Variants in THSD4 observed in about 807,000 individuals in gnomAD.
THSD4 encodes the protein thrombospondin type 1 domain containing 4, also known as thrombospondin type-1 domain-containing protein 4.
A neutral mutation model predicts 119.0 loss-of-function variants in THSD4; 69 were observed. The observed-to-expected ratio is 0.58, with a 90% CI of 0.48 to 0.71. The LOEUF is 0.71. Ranked by LOEUF, THSD4 falls within the 30% of genes least tolerant of loss-of-function variation. The probability of loss-of-function intolerance (pLI) is 0.00; values close to 1 mark genes in which losing one functional copy is unlikely to be tolerated. For synonymous variants in THSD4, 524 were observed against 540.4 expected, an observed-to-expected ratio of 0.97 and a Z score of 0.42; for missense variants, 1,393 against 1,391.1, an observed-to-expected ratio of 1.00 and a Z score of -0.02.
At chr15:71,488,063 C>G (rs2047850359) in intron 7 of THSD4, among the ~76,000 whole-genome samples, 1 of 152,142 alleles carries the variant, frequency 6.6e-6, no homozygotes. Flanking sequence ...GAGTGAAATC[C>G]TTGTCCTGCT....
intron 7 of THSD4, among the ~76,000 whole-genome samples, chr15:71,479,416 T>C (rs2047696334): frequency 6.6e-6 from 1 of 152,126 alleles, no homozygotes; most frequent in South Asian, 2.1e-4. Context: ...TTTACTAGAG[T>C]CTGCAGTTTC....
chr15:71,737,282 T>A (rs184091454), intron 10 of THSD4, among the ~76,000 whole-genome samples: 5 of 152,360 alleles, frequency 3.3e-5, no homozygotes, highest in Middle Eastern at 3.4e-3. Context: ...TCCAAAACCA[T>A]GGATCTATTT....
chr15:71,580,534 G>A (rs150836337), intron 7 of THSD4, among the ~76,000 whole-genome samples: 5 of 152,210 alleles, frequency 3.3e-5, no homozygotes, highest in Non-Finnish European at 7.4e-5. Flanking sequence ...ATACAATACA[G>A]TATCATTAAC....
At chr15:71,624,111 G>A (rs2050467343) in intron 7 of THSD4, among the ~76,000 whole-genome samples, 1 of 152,140 alleles carries the variant, frequency 6.6e-6, no homozygotes, top group Non-Finnish European at 1.5e-5. Flanking sequence ...GAATGATCAG[G>A]TCCAACAGAT....
chr15:71,758,185 G>C, intron 15 of THSD4, 110 bp downstream of exon 15: 1 of 1,301,472 alleles, frequency 7.7e-7, no homozygotes, highest in Non-Finnish European at 1.0e-6. Flanking sequence ...AATCCCAGCA[G>C]TGCCACTGTC....
intron 8 of THSD4, among the ~76,000 whole-genome samples, chr15:71,674,027 C>T (rs901514649): frequency 6.6e-6 from 1 of 152,194 alleles, no homozygotes; most frequent in African/African-American, 2.4e-5. Context: ...GTTGCCTCTT[C>T]CCAGAAGAAC....
In THSD4 at chr15:71,341,091, T is replaced by A. The variant is rs2045561863; in HGVS notation, c.1016-70596T>A. The A allele has an allele frequency of 2.7e-6, 3 of 1,129,354 alleles. No homozygotes were observed. In the East Asian group the frequency reaches 7.0e-5, roughly 26 times the overall value. The allele number at this position is 1,129,354 out of a possible 1,614,324, so 70.0% of individuals were successfully genotyped here. ...TTGCCTTGCCTTTTCTTTTCTATTG[T>A]CTCTTCTGTCTTCCCTCTCTCTCCC... On this transcript the variant is annotated intron_variant, in intron 6 of 17. Transcript: ENST00000261862.
Position 71,757,920 on chromosome 15 carries a change from G to A in THSD4, c.2434G>A (p.Ala812Thr), listed in dbSNP as rs769086132. 1.9e-6 allele frequency: 3 copies of A among 1,613,520 alleles called. No individual in the cohort carries two copies. Among genetic ancestry groups the A allele is most frequent in the Non-Finnish European group, 2.5e-6 (3 of 1,180,016 alleles). Residue 812 changes from alanine to threonine, a missense_variant, in exon 15 of 18, where the codon GCC becomes ACC. Ala to Thr is a moderately conservative substitution (Grantham distance 58). Coordinates refer to ENST00000261862, the MANE Select transcript of THSD4 (RefSeq NM_024817.3). ...WSERCSAECGAGVRTRSVVCM... is the reference protein window; with the variant it reads ...WSERCSAECGTGVRTRSVVCM... ...CTCACAGTGCTCAGCGGAGTGTGGGGCCGGAGTGCGGACACGCTCGGTGGT... is the reference window on the plus strand; with the variant it reads ...CTCACAGTGCTCAGCGGAGTGTGGGACCGGAGTGCGGACACGCTCGGTGGT...
At chr15:71,234,873 C>T (rs891959769) in intron 4 of THSD4, among the ~76,000 whole-genome samples, 14 of 152,172 alleles carry the variant, frequency 9.2e-5, no homozygotes, top group African/African-American at 1.2e-4. Context: ...TTCCTCAGTT[C>T]GCCGTCCTGC....
intron 4 of THSD4, among the ~76,000 whole-genome samples, chr15:71,231,245 A>G (rs909197877): frequency 3.3e-5 from 5 of 152,198 alleles, no homozygotes; most frequent in African/African-American, 1.2e-4. Context: ...AGTCTAAATC[A>G]TCTCCTGGGG....
chr15:71,338,402 G>A lies in THSD4; in HGVS notation c.1016-73285G>A, dbSNP rs115119528. On this transcript the variant is annotated intron_variant, in intron 6 of 17. Coordinates refer to ENST00000261862, the MANE Select transcript of THSD4 (RefSeq NM_024817.3). ...GAGTCTGAACACTTATAGATATCAG[G>A]GAGGTTCACATTGCTCCAGTTCATA... is the stretch of plus-strand genomic sequence containing the variant. 2.1e-3 allele frequency among the ~76,000 whole-genome samples: 315 copies of A among 152,138 alleles called. 4 individuals are homozygous for A. Among genetic ancestry groups the A allele is most frequent in the African/African-American group, 7.0e-3 (291 of 41,506 alleles).
chr15:71,358,722 C>A (rs1437213668), intron 6 of THSD4, among the ~76,000 whole-genome samples: 1 of 152,200 alleles, frequency 6.6e-6, no homozygotes, highest in Non-Finnish European at 1.5e-5. Flanking sequence ...CAATTAGTAT[C>A]ACTTAACATC....
intron 7 of THSD4, among the ~76,000 whole-genome samples, chr15:71,436,294 C>G (rs146710685): frequency 6.6e-6 from 1 of 151,590 alleles, no homozygotes; most frequent in African/African-American, 2.4e-5. Flanking sequence ...AAGACAAAGA[C>G]GAAGGAAAAA....
intron 7 of THSD4, among the ~76,000 whole-genome samples, chr15:71,606,903 A>G (rs2050121261): frequency 6.6e-6 from 1 of 152,168 alleles, no homozygotes; most frequent in Admixed American, 6.5e-5. Context: ...AACATTTTGG[A>G]GGAGGGGAAA....
In THSD4 at chr15:71,744,762, A is replaced by G. The variant is rs2053302194; in HGVS notation, c.1907-344A>G. On this transcript the variant is annotated intron_variant, in intron 11 of 17. Transcript: ENST00000261862. ...AGTTACTATTTGTGTTCCTTCTATA[A>G]TCATTCCCCTGCCTAGGGAATCTCT... Among the ~76,000 whole-genome samples, 3 of 152,180 alleles carry G rather than the reference A, an allele frequency of 2.0e-5. No homozygotes were observed. The South Asian group carries it at 6.2e-4, about 32-fold the overall frequency.
At position 71,433,540 on chromosome 15, in the gene THSD4, G is replaced by A. The variant is rs577593778; in HGVS notation, c.1152+21717G>A. The stretch of plus-strand genomic sequence containing the variant: ...ACTAGCCAGTGTCATATTAACTAAG[G>A]CCTCTGAGATACTGGACATAGACAC... On this transcript the variant is annotated intron_variant, in intron 7 of 17. Transcript: ENST00000261862. 2.0e-5 allele frequency among the ~76,000 whole-genome samples: 3 copies of A among 151,520 alleles called. No individual in the cohort carries two copies. The South Asian group carries it at 6.3e-4, about 32-fold the overall frequency.
Position 71,249,824 on chromosome 15 carries a change from T to G in THSD4, c.912+6728T>G, listed in dbSNP as rs28439201. The stretch of plus-strand genomic sequence containing the variant: ...TAAATGGCACATTAATACCCCTGCT[T>G]CTTGATATATCAACTTAAATTTTCT... On this transcript the variant is annotated intron_variant, in intron 5 of 17. Transcript: ENST00000261862. 1.2e-3 allele frequency among the ~76,000 whole-genome samples: 190 copies of G among 152,280 alleles called. 2 individuals are homozygous for G. Among genetic ancestry groups the G allele is most frequent in the African/African-American group, 4.4e-3 (184 of 41,552 alleles).
intron 3 of THSD4, among the ~76,000 whole-genome samples, chr15:71,213,339 C>T (rs2043902932): frequency 6.6e-6 from 1 of 152,192 alleles, no homozygotes; most frequent in South Asian, 2.1e-4. Context: ...AGGATGATCT[C>T]TTCTTGAGAT....
At chr15:71,482,754 A>G (rs1595811697) in intron 7 of THSD4, among the ~76,000 whole-genome samples, 1 of 151,442 alleles carries the variant, frequency 6.6e-6, no homozygotes, top group Non-Finnish European at 1.5e-5. Flanking sequence ...CACGGCTAAT[A>G]TTTTGTGGTT....
Sources: allele counts gnomAD v4.1 joint callset (sites outside exome capture counted in the v4.1 genomes callset), GRCh38; gene constraint gnomAD v4.1.1; transcripts MANE v1.5; gene names NCBI Gene and HGNC (gene_info 2026-07-23, HGNC 2026-07-21).